Variants in ATP5MK observed in about 807,000 individuals in gnomAD.
The protein encoded by ATP5MK is ATP synthase membrane subunit k.
A neutral mutation model predicts 6.6 loss-of-function variants in ATP5MK; 5 were observed. That is an observed-to-expected ratio of 0.76 (90% CI 0.40 to 1.60). The LOEUF (loss-of-function observed/expected upper bound fraction) is 1.60. Ranked by LOEUF, ATP5MK falls within the 40% of genes most tolerant of loss-of-function variation. ATP5MK has a pLI of 0.02. For missense variants in ATP5MK, 57 were observed against 66.6 expected (o/e 0.86, Z 0.50); for synonymous variants, 30 against 24.5 (o/e 1.22, Z -0.66).
chr10:103,395,090 T>A (rs2093427433), intron 2 of ATP5MK, among the ~76,000 whole-genome samples: 1 of 152,158 alleles, frequency 6.6e-6, no homozygotes, highest in South Asian at 2.1e-4. Flanking sequence ...AGGAGGACTC[T>A]TGAGAGGCTC....
chr10:103,391,815 C>CT (rs1039226822), intron 4 of ATP5MK, among the ~76,000 whole-genome samples: 7 of 150,784 alleles, frequency 4.6e-5, no homozygotes, highest in African/African-American at 1.7e-4. Context: ...GCCTCTTTTT[C>CT]TTTTTTTTGA....
intron 4 of ATP5MK, among the ~76,000 whole-genome samples, chr10:103,391,152 T>A (rs2093413402): frequency 1.3e-5 from 2 of 152,184 alleles, no homozygotes; most frequent in Non-Finnish European, 2.9e-5. Context: ...AAACACAATT[T>A]TTTTTACTCA....
At chr10:103,392,090 A>G (rs2093416231) in intron 4 of ATP5MK, 101 bp downstream of exon 4, 2 of 1,080,142 alleles carry the variant, frequency 1.9e-6, no homozygotes, top group Non-Finnish European at 2.7e-6. Flanking sequence ...TATGCTATAA[A>G]TTTTGCAAAA....
intron 2 of ATP5MK, chr10:103,394,267 A>C (rs1439851038): frequency 3.8e-6 from 2 of 533,046 alleles, no homozygotes; most frequent in African/African-American, 3.8e-5. Context: ...CCAGAACAAG[A>C]GCTGAAAATT....
chr10:103,391,557 G>A (rs879566510), intron 4 of ATP5MK, among the ~76,000 whole-genome samples: 1 of 152,156 alleles, frequency 6.6e-6, no homozygotes, highest in Non-Finnish European at 1.5e-5. Context: ...CCCCAGGCTG[G>A]AGTGCAATGG....
At chr10:103,390,082 A>C (rs2093409548) in intron 4 of ATP5MK, among the ~76,000 whole-genome samples, 1 of 152,168 alleles carries the variant, frequency 6.6e-6, no homozygotes, top group Non-Finnish European at 1.5e-5. Flanking sequence ...TTAGGAGGTA[A>C]TTAATATAAA....
chr10:103,390,318 C>T (rs546838886), intron 4 of ATP5MK, among the ~76,000 whole-genome samples: 1 of 151,866 alleles, frequency 6.6e-6, no homozygotes, highest in Non-Finnish European at 1.5e-5. Flanking sequence ...ATCACAAAAC[C>T]CTGTCTACCA....
chr10:103,391,524 TGAG>T (rs571497581), intron 4 of ATP5MK, among the ~76,000 whole-genome samples: 363 of 152,304 alleles, frequency 2.4e-3, no homozygotes, highest in African/African-American at 7.7e-3. Context: ...CTTTTTTTTT[TGAG>T]ACAAAGTCTT....
intron 2 of ATP5MK, chr10:103,394,304 G>A (rs752363844): frequency 7.5e-6 from 4 of 534,046 alleles, no homozygotes; most frequent in African/African-American, 1.9e-5. Flanking sequence ...TATCTACCAC[G>A]ACCGACGCCA....
intron 4 of ATP5MK, among the ~76,000 whole-genome samples, chr10:103,390,782 C>T (rs2093412173): frequency 6.6e-6 from 1 of 151,732 alleles, no homozygotes; most frequent in South Asian, 2.1e-4. Context: ...AAGAGTCAAA[C>T]TCCATCTCAA....
At chr10:103,395,375 G>A (rs1215017116) in intron 2 of ATP5MK, among the ~76,000 whole-genome samples, 1 of 152,180 alleles carries the variant, frequency 6.6e-6, no homozygotes, top group African/African-American at 2.4e-5. Context: ...TCAGCTCACT[G>A]CAATCTCCGC....
chr10:103,395,022 G>T (rs2093426937), intron 2 of ATP5MK, among the ~76,000 whole-genome samples: 1 of 152,128 alleles, frequency 6.6e-6, no homozygotes, highest in Admixed American at 6.6e-5. Flanking sequence ...CTGATTGCAG[G>T]GAAGTGCATG....
intron 2 of ATP5MK, among the ~76,000 whole-genome samples, chr10:103,392,928 A>G (rs1369079718): frequency 6.6e-6 from 1 of 152,168 alleles, no homozygotes. Context: ...GTAATTTAGG[A>G]CCTCCATGGG....
rs1411268134 is a variant in ATP5MK, at chr10:103,395,907, T to C, written c.-171A>G. Reference sequence around the variant, plus strand: ...CGTCTATAGACTGAAATCTAACCCTTTTACAGCGGGCCTGGCGAACTGTAG... The same window carrying C: ...CGTCTATAGACTGAAATCTAACCCTCTTACAGCGGGCCTGGCGAACTGTAG... On this transcript the variant is annotated 5_prime_UTR_variant, in exon 2 of 5. Transcript: ENST00000369815. 2.0e-5 allele frequency: 3 copies of C among 152,170 alleles called. No homozygotes were observed. The highest frequency in any genetic ancestry group is 4.4e-5 in the Non-Finnish European group (3 of 68,048). The allele number at this position is 152,170 out of a possible 1,614,324, so 9.4% of individuals were successfully genotyped here.
intron 2 of ATP5MK, chr10:103,394,138 G>A (rs903319066): frequency 1.9e-5 from 6 of 314,418 alleles, no homozygotes; most frequent in East Asian, 7.9e-5. Flanking sequence ...TAGAAAAATA[G>A]TAAGTGTATT....
At position 103,392,467 on chromosome 10, in the gene ATP5MK, C is replaced by T. The variant is rs2093417593; in HGVS notation, c.-9-1G>A. On this transcript the variant is annotated splice_acceptor_variant, in intron 2 of 4. Transcript: ENST00000369815. LOFTEE classifies it low-confidence loss of function (5UTR_SPLICE). ...TTTCTGGACCTGCCATGATTTCAAT[C>T]TTTTAAAAAAAGAAAGAAAGCAACA... The T allele has an allele frequency of 6.4e-7, 1 of 1,573,688 alleles. No individual in the cohort carries two copies. The highest frequency in any genetic ancestry group is 1.4e-5 in the African/African-American group (1 of 72,300).
At chr10:103,394,463 C>A (rs1371653629) in intron 2 of ATP5MK, 2 of 417,650 alleles carry the variant, frequency 4.8e-6, no homozygotes, top group African/African-American at 2.0e-5. Context: ...CTCCCCCATT[C>A]AAAGGCTTTC....
intron 2 of ATP5MK, 35 bp from the exon 3 acceptor site, chr10:103,392,501 G>T (rs1271792369): frequency 2.0e-6 from 3 of 1,482,304 alleles, no homozygotes; most frequent in Non-Finnish European, 2.8e-6. Context: ...CATTAAATTG[G>T]TTTGGATGTA....
chr10:103,390,908 G>A (rs943474723), intron 4 of ATP5MK, among the ~76,000 whole-genome samples: 1 of 152,156 alleles, frequency 6.6e-6, no homozygotes, highest in Non-Finnish European at 1.5e-5. Flanking sequence ...AATGGGGGTT[G>A]GAGGATTATA....
Sources: allele counts gnomAD v4.1 joint callset (sites outside exome capture counted in the v4.1 genomes callset), GRCh38; gene constraint gnomAD v4.1.1; transcripts MANE v1.5; gene names NCBI Gene and HGNC (gene_info 2026-07-23, HGNC 2026-07-21).